ADGRL2: variants seen among roughly 807,000 people sequenced by gnomAD.
ADGRL2 encodes the protein adhesion G protein-coupled receptor L2.
ADGRL2 carries 44 observed loss-of-function variants against 157.4 expected under a neutral mutation model. The observed-to-expected ratio is 0.28, with a 90% CI of 0.22 to 0.36. ADGRL2 has a LOEUF of 0.36. Ranked by LOEUF, ADGRL2 falls within the 10% of genes least tolerant of loss-of-function variation. The pLI is 1.00. For missense variants in ADGRL2, 1,510 were observed against 1,768.9 expected (o/e 0.85, Z 2.63); for synonymous variants, 585 against 624.7 (o/e 0.94, Z 0.95).
intron 1 of ADGRL2, among the ~76,000 whole-genome samples, chr1:81,715,779 G>C (rs1053487072): frequency 1.3e-5 from 2 of 152,048 alleles, no homozygotes; most frequent in Non-Finnish European, 2.9e-5. Flanking sequence ...TGAGACCAAG[G>C]TCACAGAACC....
intron 4 of ADGRL2, among the ~76,000 whole-genome samples, chr1:81,939,421 T>C (rs1158058321): frequency 2.6e-5 from 4 of 151,594 alleles, no homozygotes; most frequent in African/African-American, 4.8e-5. Flanking sequence ...TTTTGATTTT[T>C]GTACCTTATA....
At chr1:81,739,241 G>A (rs1195301741) in intron 1 of ADGRL2, among the ~76,000 whole-genome samples, 1 of 152,126 alleles carries the variant, frequency 6.6e-6, no homozygotes, top group Non-Finnish European at 1.5e-5. Context: ...GTTCTGCCTC[G>A]GCTCCATAAC....
intron 1 of ADGRL2, among the ~76,000 whole-genome samples, chr1:81,700,175 C>A (rs2083532132): frequency 6.6e-6 from 1 of 152,176 alleles, no homozygotes; most frequent in Non-Finnish European, 1.5e-5. Flanking sequence ...AAAAGAGAAT[C>A]ATAACGATAT....
intron 2 of ADGRL2, among the ~76,000 whole-genome samples, chr1:81,545,896 G>A (rs911190488): frequency 6.6e-6 from 1 of 152,106 alleles, no homozygotes; most frequent in Admixed American, 6.5e-5. Flanking sequence ...GCACACACTG[G>A]CCTGGCCCTG....
chr1:81,636,980 C>T (rs927581295), intron 3 of ADGRL2, among the ~76,000 whole-genome samples: 1 of 152,226 alleles, frequency 6.6e-6, no homozygotes, highest in Non-Finnish European at 1.5e-5. Flanking sequence ...GGATTATAGG[C>T]ACATGCCACC....
At chr1:81,775,452 G>A (rs1198350363) in intron 2 of ADGRL2, among the ~76,000 whole-genome samples, 1 of 152,110 alleles carries the variant, frequency 6.6e-6, no homozygotes, top group Non-Finnish European at 1.5e-5. Context: ...GAATATATCT[G>A]CCAAAGTGAT....
chr1:81,843,826 A>G (rs2092689533), intron 2 of ADGRL2, among the ~76,000 whole-genome samples: 1 of 152,164 alleles, frequency 6.6e-6, no homozygotes, highest in Non-Finnish European at 1.5e-5. Context: ...ATAAATGAAG[A>G]TAAAGTTCAA....
chr1:81,513,417 T>C (rs962642775), intron 2 of ADGRL2, among the ~76,000 whole-genome samples: 2 of 152,188 alleles, frequency 1.3e-5, no homozygotes, highest in African/African-American at 4.8e-5. Flanking sequence ...GATACTAAGA[T>C]ATTAGAATAA....
intron 1 of ADGRL2, among the ~76,000 whole-genome samples, chr1:81,331,302 C>T (rs926589046): frequency 1.3e-5 from 2 of 152,000 alleles, no homozygotes; most frequent in African/African-American, 2.4e-5. Context: ...TAAAGAGGAT[C>T]GTTTTGGAAA....
At chr1:81,453,487 T>C (rs1197126643) in intron 2 of ADGRL2, among the ~76,000 whole-genome samples, 2 of 152,056 alleles carry the variant, frequency 1.3e-5, no homozygotes, top group Middle Eastern at 3.2e-3. Context: ...GTTCTAGTGG[T>C]GGGGAGACTC....
intron 3 of ADGRL2, chr1:81,596,570 G>A: frequency 3.5e-6 from 1 of 284,894 alleles, no homozygotes; most frequent in South Asian, 3.8e-5. Flanking sequence ...TGAGTCAGGA[G>A]AAGGAGCGGG....
intron 20 of ADGRL2, 78 bp from the exon 21 acceptor site, chr1:81,985,181 A>G: frequency 1.3e-6 from 1 of 768,772 alleles, no homozygotes; most frequent in South Asian, 1.9e-5. Context: ...TGTTTAGGGT[A>G]AATCCTTGTA....
At chr1:81,397,580 A>G (rs1453358067) in intron 1 of ADGRL2, among the ~76,000 whole-genome samples, 2 of 152,006 alleles carry the variant, frequency 1.3e-5, no homozygotes, top group Non-Finnish European at 2.9e-5. Context: ...CGGCCTCCCA[A>G]AGTGCTGGGA....
intron 2 of ADGRL2, among the ~76,000 whole-genome samples, chr1:81,779,892 G>A (rs759416498): frequency 1.9e-4 from 29 of 152,156 alleles, no homozygotes; most frequent in Admixed American, 3.9e-4. Context: ...CAGCAAGGCC[G>A]GTCAAGAAAT....
At position 81,952,129 on chromosome 1, in the gene ADGRL2, G is replaced by A. The variant is rs370124207; in HGVS notation, c.1781G>A (p.Arg594Gln). The A allele has an allele frequency of 3.7e-6, 6 of 1,611,382 alleles. No homozygotes were observed. Among genetic ancestry groups the A allele is most frequent in the Admixed American group, 3.3e-5 (2 of 59,768 alleles). ...LKPSEKDSAG[R>Q]SYNKLQKREK... ...CCTAGTGAAAAAGATTCAGCTGGAC[G>A]GAGTTATAACAAGGTAGAGAGAACT... Residue 594 changes from arginine (R) to glutamine (Q), a missense_variant, in exon 9 of 24, where the codon CGG becomes CAG. Arg to Gln is a conservative substitution (Grantham distance 43). This residue lies in a region of ADGRL2 where 325 missense variants were observed against 333.2 expected (regional missense o/e 0.98). Coordinates refer to ENST00000686636, the MANE Select transcript of ADGRL2 (RefSeq NM_001366006.2).
At chr1:81,512,888 A>G (rs78376572) in intron 2 of ADGRL2, among the ~76,000 whole-genome samples, 1 of 151,948 alleles carries the variant, frequency 6.6e-6, no homozygotes, top group African/African-American at 2.4e-5. Flanking sequence ...GAATTTACTT[A>G]ATCAGAATCA....
intron 2 of ADGRL2, among the ~76,000 whole-genome samples, chr1:81,526,718 A>G (rs2079466334): frequency 6.6e-6 from 1 of 152,198 alleles, no homozygotes; most frequent in African/African-American, 2.4e-5. Flanking sequence ...ACTTATGTAA[A>G]TATGCCTACC....
chr1:81,319,584 C>A (rs908421713), intron 1 of ADGRL2, among the ~76,000 whole-genome samples: 1 of 152,140 alleles, frequency 6.6e-6, no homozygotes, highest in Non-Finnish European at 1.5e-5. Flanking sequence ...CGGGGCTCAA[C>A]AAATGTTTTC....
chr1:81,707,858 C>G (rs563669238), intron 1 of ADGRL2, among the ~76,000 whole-genome samples: 2 of 152,220 alleles, frequency 1.3e-5, no homozygotes, highest in African/African-American at 4.8e-5. Context: ...TGATATCTAG[C>G]TTGCTGGAAG....
Sources: allele counts gnomAD v4.1 joint callset (sites outside exome capture counted in the v4.1 genomes callset), GRCh38; gene constraint gnomAD v4.1.1; regional missense constraint gnomAD v4.1.1; transcripts MANE v1.5; gene names NCBI Gene and HGNC (gene_info 2026-07-23, HGNC 2026-07-21).